Variants in FHIT observed in about 807,000 individuals in gnomAD.
The protein encoded by FHIT is fragile histidine triad diadenosine triphosphatase.
In FHIT, 19 loss-of-function variants were observed where a neutral mutation model predicts 17.9. That is an observed-to-expected ratio of 1.06 (90% CI 0.74 to 1.56). The LOEUF (loss-of-function observed/expected upper bound fraction) is 1.56. Ranked by LOEUF, FHIT falls within the 40% of genes most tolerant of loss-of-function variation. The pLI is 0.00. For missense variants in FHIT, 248 were observed against 189.2 expected (o/e 1.31, Z -1.82); for synonymous variants, 81 against 69.7 (o/e 1.16, Z -0.81).
intron 8 of FHIT, among the ~76,000 whole-genome samples, chr3:59,912,429 G>C (rs556948987): frequency 1.9e-3 from 287 of 152,332 alleles, no homozygotes; most frequent in Non-Finnish European, 1.2e-3. Flanking sequence ...ATAGGGTCAA[G>C]ATTACCAGAG....
intron 2 of FHIT, among the ~76,000 whole-genome samples, chr3:61,094,629 CAATGATAGCT>C (rs1336253115): frequency 2.0e-5 from 3 of 152,152 alleles, no homozygotes; most frequent in Admixed American, 2.0e-4. Context: ...AAGATATTGA[CAATGATAGCT>C]AATGATAAAA....
chr3:60,397,173 G>A (rs1701478494), intron 5 of FHIT, among the ~76,000 whole-genome samples: 1 of 152,166 alleles, frequency 6.6e-6, no homozygotes, highest in Non-Finnish European at 1.5e-5. Context: ...TGCAACTGTA[G>A]AAAAGAAGGG....
intron 5 of FHIT, among the ~76,000 whole-genome samples, chr3:60,110,377 A>G (rs897155490): frequency 9.2e-5 from 14 of 152,178 alleles, no homozygotes; most frequent in African/African-American, 3.4e-4. Flanking sequence ...AGTAATCACC[A>G]CATTCCTCGC....
chr3:60,907,057 G>A (rs1157045717), intron 3 of FHIT, among the ~76,000 whole-genome samples: 1 of 152,086 alleles, frequency 6.6e-6, no homozygotes. Context: ...GAACCCATGA[G>A]TGAAAGGTTC....
intron 5 of FHIT, among the ~76,000 whole-genome samples, chr3:60,295,743 TG>T (rs1248271717): frequency 2.0e-5 from 3 of 152,162 alleles, no homozygotes; most frequent in Non-Finnish European, 4.4e-5. Context: ...CAAGCGTGAC[TG>T]TATCATTTTA....
intron 5 of FHIT, among the ~76,000 whole-genome samples, chr3:60,029,397 T>C (rs919503712): frequency 2.0e-5 from 3 of 152,188 alleles, no homozygotes; most frequent in African/African-American, 7.2e-5. Flanking sequence ...ATTTAAAACC[T>C]GTGCCAAGAA....
chr3:60,305,919 A>C (rs796749681), intron 5 of FHIT, among the ~76,000 whole-genome samples: 18 of 152,288 alleles, frequency 1.2e-4, no homozygotes, highest in African/African-American at 4.1e-4. Flanking sequence ...ACTTGATTAA[A>C]TTTAATGAGA....
intron 4 of FHIT, among the ~76,000 whole-genome samples, chr3:60,773,961 A>G (rs763755335): frequency 5.3e-5 from 8 of 152,172 alleles, no homozygotes; most frequent in Non-Finnish European, 1.0e-4. Context: ...AAACATTCCT[A>G]CTGGATGGGC....
chr3:61,051,044 T>C (rs1157290095), intron 2 of FHIT, among the ~76,000 whole-genome samples: 1 of 152,216 alleles, frequency 6.6e-6, no homozygotes, highest in Non-Finnish European at 1.5e-5. Context: ...TCCCAACTGC[T>C]ACCTATCTGA....
chr3:60,171,393 T>C (rs1046552170), intron 5 of FHIT, among the ~76,000 whole-genome samples: 7 of 152,302 alleles, frequency 4.6e-5, no homozygotes, highest in Admixed American at 4.6e-4. Context: ...TTTGGCCATA[T>C]GATGTGGTAC....
intron 4 of FHIT, among the ~76,000 whole-genome samples, chr3:60,651,329 T>TA: frequency 6.6e-6 from 1 of 152,282 alleles, no homozygotes; most frequent in East Asian, 1.9e-4. Context: ...GTACCCATTT[T>TA]ATAATCCTTT....
At chr3:59,978,717 T>C (rs62240114) in intron 7 of FHIT, among the ~76,000 whole-genome samples, 24,469 of 150,018 alleles carry the variant, frequency 0.16, 2,180 homozygotes, top group South Asian at 0.24. Flanking sequence ...TTCAGTAATT[T>C]TGGAGGTTTC....
At chr3:60,475,344 A>G (rs1234947160) in intron 5 of FHIT, among the ~76,000 whole-genome samples, 1 of 152,214 alleles carries the variant, frequency 6.6e-6, no homozygotes, top group East Asian at 1.9e-4. Flanking sequence ...CAGGTTTGAA[A>G]AACATTCTTT....
chr3:59,755,879 C>T (rs1701191634), intron 8 of FHIT, among the ~76,000 whole-genome samples: 1 of 151,236 alleles, frequency 6.6e-6, no homozygotes, highest in Non-Finnish European at 1.5e-5. Flanking sequence ...ACGGATCATC[C>T]AAAAATGGCT....
At chr3:61,220,651 T>C (rs1019800121) in intron 1 of FHIT, among the ~76,000 whole-genome samples, 1 of 152,210 alleles carries the variant, frequency 6.6e-6, no homozygotes, top group Non-Finnish European at 1.5e-5. Flanking sequence ...ACATCTGTCT[T>C]GTTCTATATT....
chr3:60,704,512 C>G (rs782300123), intron 4 of FHIT, among the ~76,000 whole-genome samples: 18 of 152,138 alleles, frequency 1.2e-4, no homozygotes, highest in Non-Finnish European at 2.2e-4. Flanking sequence ...CATATTTGCT[C>G]TAAAATCATT....
Position 60,993,846 on chromosome 3 carries a change from C to A in FHIT, c.-111+48201G>T, listed in dbSNP as rs114113593. 3.5e-3 allele frequency among the ~76,000 whole-genome samples: 537 copies of A among 152,224 alleles called. 3 individuals carry two copies. The highest frequency in any genetic ancestry group is 0.012 in the African/African-American group (498 of 41,526). ...AGTTATGCCTTGGCTATAACAGGAA[C>A]CTGATCCCTCTATCTTACTCTCCCT... On this transcript the variant is annotated intron_variant, in intron 3 of 9. Coordinates refer to ENST00000492590, the MANE Select transcript of FHIT (RefSeq NM_002012.4).
chr3:60,163,260 A>G (rs1311219351), intron 5 of FHIT, among the ~76,000 whole-genome samples: 1 of 152,092 alleles, frequency 6.6e-6, no homozygotes, highest in African/African-American at 2.4e-5. Flanking sequence ...TGCCTCCAAA[A>G]TGAGTGCTCT....
intron 5 of FHIT, among the ~76,000 whole-genome samples, chr3:60,496,713 G>A (rs967763586): frequency 1.3e-5 from 2 of 152,060 alleles, no homozygotes; most frequent in Non-Finnish European, 2.9e-5. Flanking sequence ...TCTTAACTGA[G>A]AAAAATTAGA....
Sources: gnomAD v4.1 joint callset for allele counts (sites outside exome capture counted in the v4.1 genomes callset) on GRCh38, gnomAD v4.1.1 for gene constraint, MANE v1.5 for transcripts, NCBI Gene and HGNC (gene_info 2026-07-23, HGNC 2026-07-21) for gene names.